The following CELF2 variants were observed in gnomAD, a reference collection of about 807,000 sequenced individuals.
The protein encoded by CELF2 is CUGBP Elav-like family member 2, also known as CUG triplet repeat RNA-binding protein 2.
CELF2 carries 8 observed loss-of-function variants against 62.6 expected under a neutral mutation model. The observed-to-expected ratio is 0.13, with a 90% CI of 0.07 to 0.23. The LOEUF is 0.23. Among genes scored for constraint, CELF2 ranks in the 10% least tolerant of loss-of-function variants. CELF2 has a pLI of 1.00. For missense variants in CELF2, 333 were observed against 671.0 expected (o/e 0.50, Z 5.56); for synonymous variants, 258 against 250.0 (o/e 1.03, Z -0.30).
chr10:10,670,658 G>A, the CELF2 span, among the ~76,000 whole-genome samples: 5 of 152,090 alleles, frequency 3.3e-5, no homozygotes, highest in African/African-American at 1.2e-4. Flanking sequence ...TACATTCTAT[G>A]GATTTGGACA....
chr10:10,540,808 G>A, the CELF2 span, among the ~76,000 whole-genome samples: 2 of 152,046 alleles, frequency 1.3e-5, no homozygotes, highest in Admixed American at 6.5e-5. Flanking sequence ...ATATTGTGGC[G>A]GCTGTGTTCT....
intron 2 of CELF2, among the ~76,000 whole-genome samples, chr10:11,203,440 T>C (rs527664496): frequency 2.0e-5 from 3 of 152,290 alleles, no homozygotes; most frequent in Non-Finnish European, 4.4e-5. Flanking sequence ...GGTACACTTA[T>C]TTAATTTTCT....
At chr10:10,766,486 C>T in the CELF2 span, among the ~76,000 whole-genome samples, 2 of 152,206 alleles carry the variant, frequency 1.3e-5, no homozygotes, top group East Asian at 1.9e-4. Context: ...CTGCCTCCAT[C>T]GGGAGGGAAG....
At chr10:10,740,867 A>AT in the CELF2 span, among the ~76,000 whole-genome samples, 15 of 151,828 alleles carry the variant, frequency 9.9e-5, no homozygotes, top group East Asian at 3.9e-4. Context: ...GATATGCAGG[A>AT]TTTTTTTTTA....
the CELF2 span, among the ~76,000 whole-genome samples, chr10:10,685,610 A>G: frequency 2.6e-5 from 4 of 152,286 alleles, no homozygotes; most frequent in East Asian, 7.7e-4. Context: ...AAGGTTTTAT[A>G]TGGTGTCTCA....
intron 2 of CELF2, chr10:10,948,466 G>T (rs1004060784): frequency 6.6e-6 from 1 of 152,200 alleles, no homozygotes; most frequent in South Asian, 2.1e-4. Context: ...ACCCTCTCTT[G>T]TGATGACGTA....
At chr10:10,580,492 A>T in the CELF2 span, among the ~76,000 whole-genome samples, 1 of 152,112 alleles carries the variant, frequency 6.6e-6, no homozygotes, top group African/African-American at 2.4e-5. Context: ...AAATGTTAGT[A>T]TGGTTTACCA....
chr10:11,074,299 A>C (rs1213810555), intron 1 of CELF2, among the ~76,000 whole-genome samples: 2 of 152,206 alleles, frequency 1.3e-5, no homozygotes, highest in African/African-American at 4.8e-5. Context: ...TATATTCGTA[A>C]AGATTGGGAA....
intron 1 of CELF2, among the ~76,000 whole-genome samples, chr10:10,919,304 GA>G (rs1290548422): frequency 1.3e-5 from 2 of 151,942 alleles, no homozygotes; most frequent in Admixed American, 6.6e-5. Context: ...CGAAAGACAA[GA>G]GACGGCAATT....
chr10:10,478,633 A>G, the CELF2 span, among the ~76,000 whole-genome samples: 37 of 152,356 alleles, frequency 2.4e-4, no homozygotes, highest in Middle Eastern at 3.4e-3. Flanking sequence ...CACTTATAGT[A>G]TATGAGATCG....
the CELF2 span, among the ~76,000 whole-genome samples, chr10:10,778,326 T>A: frequency 8.3e-4 from 126 of 152,292 alleles, no homozygotes; most frequent in Non-Finnish European, 1.2e-3. Flanking sequence ...AGAAAATGCA[T>A]GCATTGTACA....
intron 3 of CELF2, among the ~76,000 whole-genome samples, chr10:11,239,916 T>C (rs2073150678): frequency 6.6e-6 from 1 of 152,162 alleles, no homozygotes; most frequent in East Asian, 1.9e-4. Context: ...TAGCCAGGCC[T>C]GGTGCAGGCG....
the CELF2 span, among the ~76,000 whole-genome samples, chr10:10,764,095 T>C: frequency 2.0e-5 from 3 of 152,140 alleles, no homozygotes; most frequent in Non-Finnish European, 2.9e-5. Context: ...CACTCTGGGG[T>C]CATGCAAAAA....
At chr10:11,202,136 A>G (rs372287173) in intron 2 of CELF2, among the ~76,000 whole-genome samples, 1 of 152,184 alleles carries the variant, frequency 6.6e-6, no homozygotes, top group Non-Finnish European at 1.5e-5. Context: ...ATTTTGACAG[A>G]TGGTGATTCT....
chr10:10,924,530 C>G (rs2065262602), intron 2 of CELF2, among the ~76,000 whole-genome samples: 1 of 151,946 alleles, frequency 6.6e-6, no homozygotes, highest in Non-Finnish European at 1.5e-5. Context: ...AAACACAGCA[C>G]CGAAAAGTCA....
At chr10:10,585,368 A>T in the CELF2 span, among the ~76,000 whole-genome samples, 1 of 152,106 alleles carries the variant, frequency 6.6e-6, no homozygotes, top group Admixed American at 6.6e-5. Flanking sequence ...GGCTTCCGTT[A>T]TCTTTCCCTT....
At chr10:10,871,913 G>A (rs973466439) in intron 1 of CELF2, among the ~76,000 whole-genome samples, 1 of 152,120 alleles carries the variant, frequency 6.6e-6, no homozygotes, top group African/African-American at 2.4e-5. Flanking sequence ...TCCTATTATA[G>A]GAGCTATAAT....
chr10:10,783,837 A>G, the CELF2 span, among the ~76,000 whole-genome samples: 1 of 152,132 alleles, frequency 6.6e-6, no homozygotes. Flanking sequence ...TACAAAAAAA[A>G]AGTAGCTGGG....
At chr10:11,313,194 G>A (rs72775884) in intron 9 of CELF2, among the ~76,000 whole-genome samples, 2 of 152,032 alleles carry the variant, frequency 1.3e-5, no homozygotes, top group South Asian at 2.1e-4. Flanking sequence ...AAACAAAAAG[G>A]TTGCCCCAAA....
Sources: gnomAD v4.1 joint callset for allele counts (sites outside exome capture counted in the v4.1 genomes callset) on GRCh38, gnomAD v4.1.1 for gene constraint, MANE v1.5 for transcripts, NCBI Gene and HGNC (gene_info 2026-07-23, HGNC 2026-07-21) for gene names.